AGMO: variants seen among roughly 807,000 people sequenced by gnomAD.
AGMO encodes the protein alkylglycerol monooxygenase.
In AGMO, 75 loss-of-function variants were observed where a neutral mutation model predicts 60.2. The observed-to-expected ratio is 1.25, with a 90% CI of 1.03 to 1.51. AGMO has a LOEUF of 1.51. Ranked by LOEUF, AGMO falls within the 40% of genes most tolerant of loss-of-function variation. The pLI is 0.00. For synonymous variants in AGMO, 261 were observed against 177.1 expected, an observed-to-expected ratio of 1.47 and a Z score of -3.76; for missense variants, 763 against 525.5, an observed-to-expected ratio of 1.45 and a Z score of -4.42.
At chr7:15,150,259 T>C in the AGMO span, among the ~76,000 whole-genome samples, 2 of 152,070 alleles carry the variant, frequency 1.3e-5, no homozygotes. Flanking sequence ...AGAGAGATAG[T>C]TTTACTTCCT....
At chr7:15,307,582 T>C (rs1056060665) in intron 12 of AGMO, among the ~76,000 whole-genome samples, 3 of 151,986 alleles carry the variant, frequency 2.0e-5, no homozygotes, top group Non-Finnish European at 2.9e-5. Flanking sequence ...AATCATATAA[T>C]TGTATTAAAG....
At chr7:15,377,794 TAAAC>T (rs944259930) in intron 10 of AGMO, among the ~76,000 whole-genome samples, 3 of 152,018 alleles carry the variant, frequency 2.0e-5, no homozygotes, top group East Asian at 1.9e-4. Flanking sequence ...GTTAATATAT[TAAAC>T]AAAGTAGTTA....
chr7:15,342,657 G>A (rs765018509), intron 12 of AGMO, among the ~76,000 whole-genome samples: 7 of 149,946 alleles, frequency 4.7e-5, no homozygotes, highest in East Asian at 1.9e-4. Context: ...TTTTGCGCGC[G>A]TGTGTGTGTG....
chr7:15,342,598 G>A (rs2128550041), intron 12 of AGMO, among the ~76,000 whole-genome samples: 1 of 151,804 alleles, frequency 6.6e-6, no homozygotes, highest in South Asian at 2.1e-4. Context: ...CAATAAAAAT[G>A]TTCAGAATGG....
At chr7:15,140,819 T>C in the AGMO span, among the ~76,000 whole-genome samples, 2 of 152,206 alleles carry the variant, frequency 1.3e-5, no homozygotes, top group African/African-American at 4.8e-5. Flanking sequence ...ACATTTTGCA[T>C]ATGTTTATTT....
chr7:15,558,349 C>T (rs938075242), intron 2 of AGMO, among the ~76,000 whole-genome samples: 2 of 151,944 alleles, frequency 1.3e-5, no homozygotes, highest in Non-Finnish European at 2.9e-5. Flanking sequence ...ATATACAGGG[C>T]AATTTTCAGT....
Position 15,531,609 on chromosome 7 carries a change from CTATGTATATTCTA to C in AGMO, c.409+13150_409+13162del, listed in dbSNP as rs1425469072. ...TCTATATATATTCTATATATATATT[CTATGTATATTCTA>C]TATATATATTCTATATATATAGAAA... On this transcript the variant is annotated intron_variant, in intron 3 of 12. Transcript: ENST00000342526. 1.7e-4 allele frequency among the ~76,000 whole-genome samples: 19 copies of C among 113,922 alleles called. No homozygotes were observed. The East Asian group carries it at 2.4e-3, about 14-fold the overall frequency. 74.7% of individuals were successfully genotyped at this position (113,922 alleles called of 152,430 possible).
chr7:15,234,080 A>G (rs909135035), intron 12 of AGMO, among the ~76,000 whole-genome samples: 2 of 147,600 alleles, frequency 1.4e-5, no homozygotes, highest in Non-Finnish European at 2.9e-5. Flanking sequence ...AAAATATTAG[A>G]GAAGAACAGG....
intron 12 of AGMO, among the ~76,000 whole-genome samples, chr7:15,354,295 T>C (rs1427540088): frequency 9.2e-6 from 1 of 108,866 alleles, no homozygotes; most frequent in Non-Finnish European, 1.8e-5. Context: ...ATGAGATAAA[T>C]ATATATACGT....
chr7:15,378,920 A>G (rs1352316887), intron 10 of AGMO, among the ~76,000 whole-genome samples: 2 of 152,112 alleles, frequency 1.3e-5, no homozygotes. Flanking sequence ...ACATTCTTTC[A>G]GACCACAGCA....
chr7:15,395,989 T>C (rs1784361232), intron 5 of AGMO: 2 of 152,208 alleles, frequency 1.3e-5, no homozygotes, highest in South Asian at 4.1e-4. Flanking sequence ...CGGATCCTTC[T>C]CTGGGACAGG....
At chr7:15,196,532 G>T (rs931948221), downstream of AGMO, among the ~76,000 whole-genome samples, 8 of 152,144 alleles carry the variant, frequency 5.3e-5, no homozygotes, top group African/African-American at 1.7e-4. Flanking sequence ...TTGACAGGAG[G>T]GACAAGAGAA....
At chr7:15,493,362 C>CACACACACACT (rs71004386) in intron 3 of AGMO, among the ~76,000 whole-genome samples, 3 of 102,262 alleles carry the variant, frequency 2.9e-5, no homozygotes, top group African/African-American at 1.2e-4. Flanking sequence ...CACACACACA[C>CACACACACACT]TTCTTTTTTT....
At chr7:15,357,288 T>C (rs1436318772) in intron 12 of AGMO, among the ~76,000 whole-genome samples, 1 of 151,322 alleles carries the variant, frequency 6.6e-6, no homozygotes, top group African/African-American at 2.4e-5. Context: ...TGAAACATTG[T>C]TGAGGACAGT....
At chr7:15,347,280 C>T (rs569449934) in intron 12 of AGMO, among the ~76,000 whole-genome samples, 2 of 152,092 alleles carry the variant, frequency 1.3e-5, no homozygotes, top group Non-Finnish European at 1.5e-5. Context: ...GTGTAACTGG[C>T]CAACAAACTT....
At chr7:15,228,720 G>A (rs1033634388) in intron 12 of AGMO, among the ~76,000 whole-genome samples, 1 of 152,136 alleles carries the variant, frequency 6.6e-6, no homozygotes, top group East Asian at 1.9e-4. Flanking sequence ...TGCCATAGTA[G>A]TTATCTGCCA....
At chr7:15,301,631 G>T (rs1784561839) in intron 12 of AGMO, among the ~76,000 whole-genome samples, 1 of 151,910 alleles carries the variant, frequency 6.6e-6, no homozygotes, top group Non-Finnish European at 1.5e-5. Flanking sequence ...ATGCTAAAAG[G>T]CTGAATTCAC....
intron 4 of AGMO, 63 bp downstream of exon 4, chr7:15,430,942 A>G: frequency 1.6e-6 from 1 of 612,840 alleles, no homozygotes; most frequent in Non-Finnish European, 2.5e-6. Flanking sequence ...TTGAGGAAAT[A>G]GAAATAGCTG....
intron 12 of AGMO, among the ~76,000 whole-genome samples, chr7:15,334,152 CAAAAG>C (rs1015769671): frequency 1.5e-4 from 23 of 151,668 alleles, no homozygotes; most frequent in African/African-American, 3.9e-4. Context: ...TTAAAAGTCA[CAAAAG>C]AAAAGATGTA....
Sources: allele counts gnomAD v4.1 joint callset (sites outside exome capture counted in the v4.1 genomes callset), GRCh38; gene constraint gnomAD v4.1.1; transcripts MANE v1.5; gene names NCBI Gene and HGNC (gene_info 2026-07-23, HGNC 2026-07-21).